The following HEPH variants were observed in gnomAD, a reference collection of about 807,000 sequenced individuals.
HEPH encodes the protein hephaestin.
A neutral mutation model predicts 80.8 loss-of-function variants in HEPH; 69 were observed. The ratio of observed to expected loss-of-function variants is 0.85; its 90% CI spans 0.70 to 1.04. The LOEUF is 1.04. Ranked by LOEUF, HEPH falls within the 50% of genes least tolerant of loss-of-function variation. The pLI, the probability that HEPH is intolerant of heterozygous loss-of-function variation, is 0.00. For missense variants in HEPH, 1,115 were observed against 891.3 expected, an observed-to-expected ratio of 1.25 and a Z score of -3.20; for synonymous variants, 431 against 322.8, an observed-to-expected ratio of 1.34 and a Z score of -3.60.
chrX:66,242,867 T>C (rs887198951), intron 15 of HEPH, among the ~76,000 whole-genome samples: 1 of 111,542 alleles, frequency 9.0e-6, no homozygotes, highest in Non-Finnish European at 1.9e-5. Flanking sequence ...AACCAACAAA[T>C]GCCAATGAGA....
Position 66,258,866 on chromosome X carries a change from C to A in HEPH, c.2923C>A (p.Leu975Ile). 1 of 1,177,670 alleles carries A rather than the reference C, an allele frequency of 8.5e-7. No individual in the cohort carries two copies. Among genetic ancestry groups the A allele is most frequent in the Non-Finnish European group, 1.1e-6 (1 of 879,485 alleles). The change falls in exon 18 of 21, where the codon CTT (leucine) becomes ATT (isoleucine). Residue 975 changes from leucine (L) to isoleucine (I), a missense_variant. Around this residue, in one of 3 missense-constraint regions of HEPH, gnomAD observed 716 missense variants for 523.5 expected, o/e 1.37. Transcript: ENST00000343002. ...HAINGKLYAN[L>I]RGLTMYQGER... The stretch of plus-strand genomic sequence containing the variant: ...AATCAATGGGAAACTCTATGCCAAC[C>A]TTAGGGGTCTTACCATGTACCAAGG...
intron 15 of HEPH, among the ~76,000 whole-genome samples, chrX:66,208,473 G>T (rs1309796044): frequency 9.5e-6 from 1 of 105,719 alleles, no homozygotes; most frequent in Non-Finnish European, 1.9e-5. Flanking sequence ...ACAAAAATTA[G>T]CTGGGTGCAG....
chrX:66,266,742 A>G lies in HEPH; in HGVS notation c.*70A>G. 1.5e-6 allele frequency: 1 copy of G among 686,377 alleles called. No homozygotes were observed. The highest frequency in any genetic ancestry group is 2.3e-6 in the Non-Finnish European group (1 of 443,076). The allele number at this position is 686,377 out of a possible 1,213,427, so 56.6% of individuals were successfully genotyped here. A position where few individuals can be genotyped will look rare whatever the true frequency, so the allele number is the denominator to read the frequency against. On this transcript the variant is annotated 3_prime_UTR_variant, in exon 21 of 21. Coordinates refer to ENST00000343002, the MANE Select transcript of HEPH (RefSeq NM_001367233.3). Reference sequence around the variant, plus strand: ...ACTCCCAGCAGGCCATGGACTAGTCACTAACCCCACACTCAAAGGGGCATG... The same window carrying G: ...ACTCCCAGCAGGCCATGGACTAGTCGCTAACCCCACACTCAAAGGGGCATG...
At position 66,256,150 on chromosome X, in the gene HEPH, G is replaced by A. The variant is rs1178886277; in HGVS notation, c.2716G>A (p.Gly906Ser). 2.5e-6 allele frequency: 3 copies of A among 1,211,240 alleles called. No individual in the cohort carries two copies. In the Admixed American group the frequency reaches 6.5e-5, roughly 26 times the overall value. Reference protein sequence around the residue: ...LVGPLAICQKGILEPHGGRSD... With the variant: ...LVGPLAICQKSILEPHGGRSD... ...GGGGCCCTTGGCTATCTGCCAAAAG[G>A]GCATCCTGGAGCCCCATGGAGGACG... Residue 906 changes from glycine (G) to serine (S), a missense_variant, in exon 17 of 21, where the codon GGC (glycine) becomes AGC (serine). Physicochemically the swap from Gly to Ser is moderately conservative, Grantham distance 56 (BLOSUM62 0). Coordinates refer to ENST00000343002, the MANE Select transcript of HEPH (RefSeq NM_001367233.3).
At chrX:66,234,933 AC>A (rs752812537) in intron 15 of HEPH, among the ~76,000 whole-genome samples, 5 of 109,389 alleles carry the variant, frequency 4.6e-5, no homozygotes, top group Non-Finnish European at 9.5e-5. Context: ...ACAGGCGTGA[AC>A]CACCACACCT....
In HEPH at chrX:66,198,964, T is replaced by A. The variant is rs1228575345; in HGVS notation, c.1800T>A (p.Ala600=). 2.5e-6 allele frequency: 3 copies of A among 1,209,023 alleles called. No individual in the cohort carries two copies. The highest frequency in any genetic ancestry group is 3.5e-5 in the South Asian group (2 of 56,926). ...ACAGCAATGCCAATCAAGCAGCTGC[T>A]ATGTTGGATTTCCGACTGCTTTCAG... ...SWYSNANQAA[A]MLDFRLLSED... Residue 600 remains alanine, a synonymous_variant, in exon 11 of 21, where the codon GCT becomes GCA. Coordinates refer to ENST00000343002, the MANE Select transcript of HEPH (RefSeq NM_001367233.3).
At chrX:66,230,942 T>C (rs1404916152) in intron 15 of HEPH, among the ~76,000 whole-genome samples, 1 of 105,237 alleles carries the variant, frequency 9.5e-6, no homozygotes. Flanking sequence ...CCATCTTGAA[T>C]TGATTTTTGT....
chrX:66,238,536 C>A (rs190193342), intron 15 of HEPH, among the ~76,000 whole-genome samples: 2 of 111,253 alleles, frequency 1.8e-5, no homozygotes, highest in Non-Finnish European at 1.9e-5. Flanking sequence ...CAAAGTGAGA[C>A]CCTGTCAAAA....
chrX:66,246,147 G>T (rs2090796613), intron 15 of HEPH, among the ~76,000 whole-genome samples: 1 of 112,139 alleles, frequency 8.9e-6, no homozygotes, highest in African/African-American at 3.2e-5. Flanking sequence ...AGAGGTGGAG[G>T]TGGATGGAAT....
At chrX:66,226,010 G>C (rs1318413382) in intron 15 of HEPH, among the ~76,000 whole-genome samples, 1 of 111,708 alleles carries the variant, frequency 9.0e-6, no homozygotes, top group Non-Finnish European at 1.9e-5. Context: ...CTGTGTGAGA[G>C]GGTTGTGATC....
At chrX:66,175,421 AGT>A (rs1289236364) in intron 4 of HEPH, among the ~76,000 whole-genome samples, 1 of 111,989 alleles carries the variant, frequency 8.9e-6, no homozygotes, top group Non-Finnish European at 1.9e-5. Flanking sequence ...ATTATAGTAT[AGT>A]TTGAAATCAG....
chrX:66,208,612 C>T (rs1050490604), intron 15 of HEPH, among the ~76,000 whole-genome samples: 53 of 77,870 alleles, frequency 6.8e-4, no homozygotes, highest in Non-Finnish European at 1.2e-3. Context: ...AGTAAGACTC[C>T]ATCTCAAATA....
At chrX:66,167,681 ATG>A (rs2086433659) in intron 1 of HEPH, among the ~76,000 whole-genome samples, 1 of 112,188 alleles carries the variant, frequency 8.9e-6, no homozygotes. Flanking sequence ...TCATCAGTGA[ATG>A]TAAGTATTGG....
rs1166728205 is a variant in HEPH at position 66,259,039 on chromosome X, T to C, written c.3036+60T>C. On this transcript the variant is annotated intron_variant, in intron 18 of 20. Coordinates refer to ENST00000343002, the MANE Select transcript of HEPH (RefSeq NM_001367233.3). ...GATTAGAACAGTGGTTTAACAGCAA[T>C]TGAGAAAAAAGGTAACAGTGTGGAA... The C allele has an allele frequency of 5.4e-6, 6 of 1,110,591 alleles. No individual in the cohort carries two copies. In the South Asian group the frequency reaches 1.1e-4, roughly 21 times the overall value. The allele number at this position is 1,110,591 out of a possible 1,213,427, so 91.5% of individuals were successfully genotyped here.
intron 6 of HEPH, among the ~76,000 whole-genome samples, chrX:66,190,142 A>T (rs905562964): frequency 3.7e-5 from 4 of 107,807 alleles, no homozygotes; most frequent in Admixed American, 3.1e-4. Flanking sequence ...CTTTGGGCAC[A>T]TCTCTCTGTG....
At chrX:66,195,906 A>G (rs147142263) in intron 9 of HEPH, among the ~76,000 whole-genome samples, 2 of 111,837 alleles carry the variant, frequency 1.8e-5, no homozygotes, top group Admixed American at 9.5e-5. Flanking sequence ...ATATTAATGC[A>G]TGCTAATTCT....
chrX:66,239,746 C>T (rs1055713091), intron 15 of HEPH, among the ~76,000 whole-genome samples: 4 of 111,853 alleles, frequency 3.6e-5, no homozygotes, highest in Non-Finnish European at 7.5e-5. Context: ...TAAATTAAAA[C>T]TTTATATTTA....
chrX:66,242,686 A>G (rs1243243358), intron 15 of HEPH, among the ~76,000 whole-genome samples: 2 of 112,082 alleles, frequency 1.8e-5, no homozygotes, highest in Non-Finnish European at 3.8e-5. Flanking sequence ...AAACAACCCT[A>G]TGGACAAAAG....
intron 1 of HEPH, among the ~76,000 whole-genome samples, chrX:66,166,981 C>T (rs930943617): frequency 8.9e-6 from 1 of 112,347 alleles, no homozygotes; most frequent in Non-Finnish European, 1.9e-5. Flanking sequence ...GCCACTAATA[C>T]CTTTTGATCA....
Sources: allele counts gnomAD v4.1 joint callset (sites outside exome capture counted in the v4.1 genomes callset), GRCh38; gene constraint gnomAD v4.1.1; regional missense constraint gnomAD v4.1.1; transcripts MANE v1.5; gene names NCBI Gene and HGNC (gene_info 2026-07-23, HGNC 2026-07-21).